SHISA9: variants seen among roughly 807,000 people sequenced by gnomAD.
SHISA9 encodes protein shisa-9.
Under a neutral mutation model 38.0 loss-of-function variants are expected in SHISA9, and 13 were observed. The ratio of observed to expected loss-of-function variants is 0.34; its 90% CI spans 0.22 to 0.54. The LOEUF (loss-of-function observed/expected upper bound fraction) is 0.54. SHISA9 is among the 20% of genes least tolerant of loss of function. The probability of loss-of-function intolerance (pLI) is 0.91; values close to 1 mark genes in which losing one functional copy is unlikely to be tolerated. For synonymous variants in SHISA9, 275 were observed against 242.0 expected, an observed-to-expected ratio of 1.14 and a Z score of -1.27; for missense variants, 538 against 575.8, an observed-to-expected ratio of 0.93 and a Z score of 0.67.
At chr16:13,072,040 A>G (rs2141924113) in intron 2 of SHISA9, among the ~76,000 whole-genome samples, 1 of 152,018 alleles carries the variant, frequency 6.6e-6, no homozygotes. Flanking sequence ...GAATGAGAGA[A>G]CTCCGCTTCT....
At chr16:13,394,799 C>T in the SHISA9 span, among the ~76,000 whole-genome samples, 7 of 152,242 alleles carry the variant, frequency 4.6e-5, no homozygotes, top group East Asian at 1.9e-4. Context: ...AGAATCAGGA[C>T]GAATGAGAGG....
intron 2 of SHISA9, among the ~76,000 whole-genome samples, chr16:12,982,955 A>C (rs74012216): frequency 4.7e-4 from 72 of 152,306 alleles, no homozygotes; most frequent in African/African-American, 1.6e-3. Context: ...TTAGATGAAG[A>C]TGTAAGAAGC....
At chr16:13,187,458 C>T (rs2050838213) in intron 2 of SHISA9, among the ~76,000 whole-genome samples, 1 of 151,474 alleles carries the variant, frequency 6.6e-6, no homozygotes, top group Non-Finnish European at 1.5e-5. Context: ...TCTCAGCCTC[C>T]TGAATAGTTG....
chr16:13,362,324 A>G, the SHISA9 span, among the ~76,000 whole-genome samples: 2 of 151,858 alleles, frequency 1.3e-5, no homozygotes, highest in Non-Finnish European at 2.9e-5. Flanking sequence ...AGTCCCAGCC[A>G]CTTGGGAGGT....
At chr16:13,257,407 A>T in the SHISA9 span, among the ~76,000 whole-genome samples, 2 of 152,184 alleles carry the variant, frequency 1.3e-5, no homozygotes, top group African/African-American at 2.4e-5. Context: ...TAACAAGCCC[A>T]TAAGGCATTA....
At chr16:13,095,181 G>A (rs2073813142) in intron 2 of SHISA9, among the ~76,000 whole-genome samples, 2 of 152,218 alleles carry the variant, frequency 1.3e-5, no homozygotes, top group African/African-American at 2.4e-5. Flanking sequence ...TTTGGAGCTT[G>A]TTTCTCAGAA....
chr16:13,080,866 A>G (rs2073640641), intron 2 of SHISA9, among the ~76,000 whole-genome samples: 1 of 152,190 alleles, frequency 6.6e-6, no homozygotes, highest in Non-Finnish European at 1.5e-5. Context: ...TCGAAGGACG[A>G]AGTGCCTGCA....
At chr16:13,172,360 T>C (rs117448339) in intron 2 of SHISA9, among the ~76,000 whole-genome samples, 55 of 152,350 alleles carry the variant, frequency 3.6e-4, no homozygotes, top group Non-Finnish European at 6.9e-4. Flanking sequence ...AAGTCCTTAA[T>C]TAAACAGGTG....
the SHISA9 span, among the ~76,000 whole-genome samples, chr16:13,249,903 T>G: frequency 6.6e-6 from 1 of 152,118 alleles, no homozygotes; most frequent in East Asian, 1.9e-4. Flanking sequence ...AGCTAAATTT[T>G]TAAATTTTTT....
At chr16:13,048,594 G>A (rs758571368) in intron 2 of SHISA9, among the ~76,000 whole-genome samples, 15 of 152,118 alleles carry the variant, frequency 9.9e-5, no homozygotes, top group Non-Finnish European at 2.1e-4. Flanking sequence ...GCTAATTTTT[G>A]TATTTTTAAT....
chr16:12,972,980 G>T (rs1001894329), intron 2 of SHISA9, among the ~76,000 whole-genome samples: 9 of 152,134 alleles, frequency 5.9e-5, no homozygotes, highest in African/African-American at 2.2e-4. Flanking sequence ...GCCAGGCGTG[G>T]TGGTGGGTGC....
At chr16:13,027,830 G>C (rs2072941552) in intron 2 of SHISA9, among the ~76,000 whole-genome samples, 1 of 146,408 alleles carries the variant, frequency 6.8e-6, no homozygotes, top group Non-Finnish European at 1.5e-5. Context: ...GGGAGGCTTA[G>C]ACAGTAGAAT....
intron 2 of SHISA9, among the ~76,000 whole-genome samples, chr16:12,966,039 T>A (rs2071973738): frequency 6.6e-6 from 1 of 152,218 alleles, no homozygotes; most frequent in Non-Finnish European, 1.5e-5. Context: ...AGGCTTCTTG[T>A]CTATTGCAGG....
chr16:13,304,618 T>C, the SHISA9 span, among the ~76,000 whole-genome samples: 31 of 152,284 alleles, frequency 2.0e-4, no homozygotes, highest in African/African-American at 7.0e-4. Flanking sequence ...GATCAAATAT[T>C]GCTATCATTT....
At chr16:13,357,167 G>C in the SHISA9 span, among the ~76,000 whole-genome samples, 4 of 152,128 alleles carry the variant, frequency 2.6e-5, no homozygotes, top group African/African-American at 9.7e-5. Context: ...ACAGAGATAA[G>C]AGGCTGGGGT....
the SHISA9 span, among the ~76,000 whole-genome samples, chr16:13,512,992 A>G: frequency 6.6e-6 from 1 of 152,228 alleles, no homozygotes; most frequent in Non-Finnish European, 1.5e-5. Context: ...TTGCAACGGA[A>G]GCCAAAATTG....
chr16:13,562,704 T>C, the SHISA9 span: 1 of 151,756 alleles, frequency 6.6e-6, no homozygotes, highest in African/African-American at 2.4e-5. Context: ...CTTTTTTATC[T>C]AGCAACCTTA....
chr16:13,313,695 A>G, the SHISA9 span, among the ~76,000 whole-genome samples: 181 of 152,364 alleles, frequency 1.2e-3, no homozygotes, highest in African/African-American at 4.3e-3. Context: ...AAAGGCTTGT[A>G]ACAAATTGTA....
the SHISA9 span, among the ~76,000 whole-genome samples, chr16:13,483,146 A>G: frequency 6.6e-6 from 1 of 152,174 alleles, no homozygotes; most frequent in Non-Finnish European, 1.5e-5. Context: ...GCTTTTTCCA[A>G]GTGCCTGATA....
Sources: gnomAD v4.1 joint callset for allele counts (sites outside exome capture counted in the v4.1 genomes callset) on GRCh38, gnomAD v4.1.1 for gene constraint, MANE v1.5 for transcripts, NCBI Gene and HGNC (gene_info 2026-07-23, HGNC 2026-07-21) for gene names.